The following MYO5B variants were observed in gnomAD, a reference collection of about 807,000 sequenced individuals.
The protein encoded by MYO5B is unconventional myosin-Vb.
Under a neutral mutation model 229.3 loss-of-function variants are expected in MYO5B, and 143 were observed. The observed-to-expected ratio is 0.62, with a 90% CI of 0.54 to 0.72. The LOEUF (loss-of-function observed/expected upper bound fraction) is 0.72, where lower values mean the gene tolerates loss of function less well. Ranked by LOEUF, MYO5B falls within the 30% of genes least tolerant of loss-of-function variation. The pLI is 0.00. For synonymous variants in MYO5B, 918 were observed against 885.2 expected, an observed-to-expected ratio of 1.04 and a Z score of -0.66; for missense variants, 2,321 against 2,331.0, an observed-to-expected ratio of 1.00 and a Z score of 0.09.
intron 1 of MYO5B, among the ~76,000 whole-genome samples, chr18:50,088,341 G>C (rs921548015): frequency 1.3e-5 from 2 of 152,140 alleles, no homozygotes; most frequent in East Asian, 1.9e-4. Context: ...CACATGACAG[G>C]CATGTATAGG....
chr18:49,983,198 G>A (rs1018265384), intron 8 of MYO5B, among the ~76,000 whole-genome samples: 1 of 152,136 alleles, frequency 6.6e-6, no homozygotes, highest in African/African-American at 2.4e-5. Flanking sequence ...TTTCTCCTTT[G>A]CCTACTGGTA....
chr18:49,837,339 C>A (rs1305515216), intron 37 of MYO5B, among the ~76,000 whole-genome samples, 178 bp downstream of exon 37: 1 of 152,146 alleles, frequency 6.6e-6, no homozygotes, highest in Non-Finnish European at 1.5e-5. Flanking sequence ...TCTCAGTGTT[C>A]GACGGATTTC....
intron 1 of MYO5B, among the ~76,000 whole-genome samples, chr18:50,136,229 C>G (rs2032332274): frequency 6.6e-6 from 1 of 152,196 alleles, no homozygotes; most frequent in African/African-American, 2.4e-5. Context: ...TTCCTGTGGT[C>G]TTGCCATTTA....
chr18:50,155,995 C>G (rs571288995), intron 1 of MYO5B, among the ~76,000 whole-genome samples: 4 of 152,202 alleles, frequency 2.6e-5, no homozygotes, highest in African/African-American at 9.7e-5. Flanking sequence ...CTGCCACAGT[C>G]GTGCACAATG....
At chr18:50,094,312 T>C (rs1398270976) in intron 1 of MYO5B, among the ~76,000 whole-genome samples, 1 of 152,200 alleles carries the variant, frequency 6.6e-6, no homozygotes, top group East Asian at 1.9e-4. Context: ...CAAAAGGCTG[T>C]ACTAGACAGG....
At chr18:49,984,592 G>C in intron 8 of MYO5B, 126 bp downstream of exon 8, 1 of 759,910 alleles carries the variant, frequency 1.3e-6, no homozygotes, top group South Asian at 1.4e-5. Context: ...CATTCACCAG[G>C]GGCAAGAGGG....
Position 49,902,964 on chromosome 18 carries a change from C to T in MYO5B, c.2572-131G>A, listed in dbSNP as rs1598870442. On this transcript the variant is annotated intron_variant, in intron 20 of 39. Transcript: ENST00000285039. ...TTCTAGGAGTTACACAGACAATGTG[C>T]CCCCTAAGATCTAAGGCTTTGGTGG... 1.3e-5 allele frequency: 15 copies of T among 1,162,752 alleles called. No homozygotes were observed. The East Asian group carries it at 3.3e-4, about 26-fold the overall frequency. The allele number at this position is 1,162,752 out of a possible 1,614,324, so 72.0% of individuals were successfully genotyped here.
chr18:50,159,428 C>A (rs2144316849), intron 1 of MYO5B, among the ~76,000 whole-genome samples: 1 of 152,278 alleles, frequency 6.6e-6, no homozygotes, highest in Admixed American at 6.5e-5. Flanking sequence ...TCACACCCAT[C>A]TTTCCCAGGC....
At chr18:49,933,853 T>G (rs1424373192) in intron 16 of MYO5B, among the ~76,000 whole-genome samples, 1 of 152,234 alleles carries the variant, frequency 6.6e-6, no homozygotes, top group Non-Finnish European at 1.5e-5. Context: ...GAATAATTCC[T>G]ATTCAGATTC....
At chr18:50,049,108 C>A (rs1160287872) in intron 2 of MYO5B, among the ~76,000 whole-genome samples, 1 of 151,598 alleles carries the variant, frequency 6.6e-6, no homozygotes, top group Non-Finnish European at 1.5e-5. Flanking sequence ...AATATCCTGC[C>A]ATGGCCACCA....
intron 1 of MYO5B, among the ~76,000 whole-genome samples, chr18:50,142,902 G>A (rs1435161338): frequency 6.6e-6 from 1 of 152,182 alleles, no homozygotes; most frequent in African/African-American, 2.4e-5. Context: ...GAAGATGAGT[G>A]CCAGCAGACA....
intron 23 of MYO5B, 117 bp from the exon 24 acceptor site, chr18:49,879,207 CTCTTGATG>C (rs1483514147): frequency 1.6e-6 from 2 of 1,267,938 alleles, no homozygotes; most frequent in African/African-American, 2.9e-5. Flanking sequence ...TCATCAGAGG[CTCTTGATG>C]AATCTATTAC....
intron 6 of MYO5B, 151 bp downstream of exon 6, chr18:49,992,137 A>T: frequency 9.1e-7 from 1 of 1,101,352 alleles, no homozygotes; most frequent in Non-Finnish European, 1.4e-6. Context: ...ATGAACACTT[A>T]CTGATAAAAG....
At chr18:49,960,932 G>A (rs543021194) in intron 12 of MYO5B, among the ~76,000 whole-genome samples, 69 of 152,166 alleles carry the variant, frequency 4.5e-4, no homozygotes, top group Non-Finnish European at 8.5e-4. Context: ...CTGGCCCCAG[G>A]GAGCCACACC....
intron 1 of MYO5B, among the ~76,000 whole-genome samples, chr18:50,092,550 C>T (rs2031469630): frequency 6.6e-6 from 1 of 152,052 alleles, no homozygotes; most frequent in Admixed American, 6.6e-5. Flanking sequence ...CACAAGAGCA[C>T]CCAGTCTGCT....
At chr18:50,102,165 C>T (rs1165203334) in intron 1 of MYO5B, among the ~76,000 whole-genome samples, 3 of 152,052 alleles carry the variant, frequency 2.0e-5, no homozygotes, top group African/African-American at 7.2e-5. Flanking sequence ...AACCAAATAC[C>T]ACTTATTCTC....
intron 2 of MYO5B, among the ~76,000 whole-genome samples, chr18:50,041,044 G>A (rs1188274319): frequency 6.6e-6 from 1 of 152,132 alleles, no homozygotes; most frequent in Admixed American, 6.5e-5. Context: ...TTTATAAGAA[G>A]GTAGTGGGGA....
intron 4 of MYO5B, among the ~76,000 whole-genome samples, chr18:50,026,091 G>A (rs2026328016): frequency 6.6e-6 from 1 of 152,192 alleles, no homozygotes; most frequent in East Asian, 1.9e-4. Context: ...CACCCCAGCA[G>A]TTTGAAGATT....
chr18:50,134,889 C>T (rs531061694), intron 1 of MYO5B, among the ~76,000 whole-genome samples: 4 of 152,332 alleles, frequency 2.6e-5, no homozygotes, highest in African/African-American at 7.2e-5. Flanking sequence ...TCAATGCCTA[C>T]AGACACTTAC....
Sources: allele counts gnomAD v4.1 joint callset (sites outside exome capture counted in the v4.1 genomes callset), GRCh38; gene constraint gnomAD v4.1.1; transcripts MANE v1.5; gene names NCBI Gene and HGNC (gene_info 2026-07-23, HGNC 2026-07-21).